PDE7B: variants seen among roughly 807,000 people sequenced by gnomAD.
PDE7B encodes the protein phosphodiesterase 7B, also known as 3',5'-cyclic-AMP phosphodiesterase 7B.
In PDE7B, 29 loss-of-function variants were observed where a neutral mutation model predicts 56.2. The observed-to-expected ratio is 0.52, with a 90% CI of 0.38 to 0.70. PDE7B has a LOEUF of 0.70. Among genes scored for constraint, PDE7B ranks in the 30% least tolerant of loss-of-function variants. The probability of loss-of-function intolerance (pLI) is 0.00; values close to 1 mark genes in which losing one functional copy is unlikely to be tolerated. For synonymous variants in PDE7B, 197 were observed against 196.9 expected, an observed-to-expected ratio of 1.00 and a Z score of 0.00; for missense variants, 490 against 565.0, an observed-to-expected ratio of 0.87 and a Z score of 1.35.
intron 2 of PDE7B, chr6:136,034,990 TGTTA>T (rs146632393): frequency 0.14 from 20,642 of 152,200 alleles, 1,488 homozygotes; most frequent in Middle Eastern, 0.16. Flanking sequence ...GTTTTGACTT[TGTTA>T]GTTCTCATTA....
intron 2 of PDE7B, among the ~76,000 whole-genome samples, chr6:136,022,128 T>C (rs1776083765): frequency 6.6e-6 from 1 of 152,228 alleles, no homozygotes; most frequent in African/African-American, 2.4e-5. Flanking sequence ...GCCTTCTTGT[T>C]GTCCTTAATT....
intron 2 of PDE7B, among the ~76,000 whole-genome samples, chr6:135,963,497 T>C (rs1394257233): frequency 1.3e-5 from 2 of 152,174 alleles, no homozygotes; most frequent in African/African-American, 4.8e-5. Context: ...CAAAACTCTA[T>C]AAAGAACTAC....
intron 2 of PDE7B, among the ~76,000 whole-genome samples, chr6:136,081,771 C>A (rs1478175193): frequency 1.3e-5 from 2 of 152,214 alleles, no homozygotes; most frequent in Non-Finnish European, 2.9e-5. Flanking sequence ...CTGTGCTGAG[C>A]ACTGCAAATA....
intron 2 of PDE7B, among the ~76,000 whole-genome samples, chr6:135,997,212 G>T (rs1775581035): frequency 6.6e-6 from 1 of 151,668 alleles, no homozygotes; most frequent in South Asian, 2.1e-4. Context: ...GAGCCCAGGG[G>T]TTCAAGACCT....
intron 2 of PDE7B, among the ~76,000 whole-genome samples, chr6:136,036,197 G>A (rs921150094): frequency 6.6e-6 from 1 of 152,170 alleles, no homozygotes; most frequent in African/African-American, 2.4e-5. Context: ...CTGTCAAAGT[G>A]GTGGAAGTGT....
chr6:136,146,096 G>A (rs906936010), intron 3 of PDE7B, among the ~76,000 whole-genome samples: 2 of 152,144 alleles, frequency 1.3e-5, no homozygotes, highest in Non-Finnish European at 2.9e-5. Flanking sequence ...GTCACTCACT[G>A]CCATCAGGGA....
At chr6:136,182,089 C>T (rs1314881856) in intron 11 of PDE7B, among the ~76,000 whole-genome samples, 1 of 152,162 alleles carries the variant, frequency 6.6e-6, no homozygotes, top group African/African-American at 2.4e-5. Context: ...ACAAATAAAG[C>T]TTGAAGTGTC....
At chr6:136,156,674 CA>C (rs1404957990) in intron 8 of PDE7B, among the ~76,000 whole-genome samples, 1 of 152,094 alleles carries the variant, frequency 6.6e-6, no homozygotes, top group East Asian at 1.9e-4. Context: ...GAAGGCAAAG[CA>C]ATATCACATA....
intron 9 of PDE7B, among the ~76,000 whole-genome samples, chr6:136,176,804 C>T (rs1778985423): frequency 6.6e-6 from 1 of 152,124 alleles, no homozygotes; most frequent in Non-Finnish European, 1.5e-5. Context: ...TTGGGTATTA[C>T]AATCTTTCAA....
chr6:136,074,227 T>C (rs1031019282), intron 2 of PDE7B, among the ~76,000 whole-genome samples: 23 of 122,630 alleles, frequency 1.9e-4, no homozygotes, highest in Admixed American at 4.0e-4. Context: ...AGAGACCTTG[T>C]CTCAAAAAAA....
intron 2 of PDE7B, among the ~76,000 whole-genome samples, chr6:136,085,278 T>G (rs932482451): frequency 3.3e-5 from 5 of 152,340 alleles, no homozygotes; most frequent in Admixed American, 2.0e-4. Flanking sequence ...AAAATGGGTC[T>G]ACCAATGTTT....
chr6:136,002,137 G>A (rs1475228037), intron 2 of PDE7B, among the ~76,000 whole-genome samples: 2 of 152,192 alleles, frequency 1.3e-5, no homozygotes, highest in African/African-American at 2.4e-5. Context: ...ATATTTCACA[G>A]ACAAGGAAAT....
At chr6:136,089,332 A>G (rs1777345880) in intron 2 of PDE7B, among the ~76,000 whole-genome samples, 1 of 152,216 alleles carries the variant, frequency 6.6e-6, no homozygotes, top group South Asian at 2.1e-4. Flanking sequence ...CAGCATTTAC[A>G]AAGTTCTTCT....
chr6:136,021,099 A>G (rs1776062366), intron 2 of PDE7B, among the ~76,000 whole-genome samples: 1 of 152,172 alleles, frequency 6.6e-6, no homozygotes, highest in African/African-American at 2.4e-5. Context: ...TCTTATGTTT[A>G]AATACCTTCT....
At chr6:136,186,340 G>A (rs1333848866) in intron 11 of PDE7B, among the ~76,000 whole-genome samples, 1 of 152,012 alleles carries the variant, frequency 6.6e-6, no homozygotes, top group Non-Finnish European at 1.5e-5. Flanking sequence ...AAGCAGAAGG[G>A]TTGTTTGAGC....
chr6:136,182,280 A>T (rs998176633), intron 11 of PDE7B, among the ~76,000 whole-genome samples: 1 of 152,156 alleles, frequency 6.6e-6, no homozygotes, highest in African/African-American at 2.4e-5. Flanking sequence ...TGCTCATGTA[A>T]CTCCTACAAT....
At chr6:136,183,559 G>A (rs1275498454) in intron 11 of PDE7B, among the ~76,000 whole-genome samples, 1 of 140,510 alleles carries the variant, frequency 7.1e-6, no homozygotes, top group East Asian at 2.1e-4. Flanking sequence ...TCACGCCACT[G>A]CACTCCAGCC....
chr6:135,879,790 G>A (rs1440874358), intron 1 of PDE7B, among the ~76,000 whole-genome samples: 2 of 152,002 alleles, frequency 1.3e-5, no homozygotes, highest in Admixed American at 1.3e-4. Context: ...TTAGGAAAAG[G>A]GTCCTCAGTG....
chr6:136,007,327 T>C (rs1208516151), intron 2 of PDE7B, among the ~76,000 whole-genome samples: 1 of 152,142 alleles, frequency 6.6e-6, no homozygotes, highest in Non-Finnish European at 1.5e-5. Flanking sequence ...TTGTTGAGGA[T>C]TTTTACGTCA....
Sources: gnomAD v4.1 joint callset for allele counts (sites outside exome capture counted in the v4.1 genomes callset) on GRCh38, gnomAD v4.1.1 for gene constraint, MANE v1.5 for transcripts, NCBI Gene and HGNC (gene_info 2026-07-23, HGNC 2026-07-21) for gene names.